ACVR1: variants seen among roughly 807,000 people sequenced by gnomAD.
ACVR1 encodes the protein activin receptor type-1.
A neutral mutation model predicts 57.1 loss-of-function variants in ACVR1; 38 were observed. The ratio of observed to expected loss-of-function variants is 0.67; its 90% CI spans 0.51 to 0.87. The LOEUF (loss-of-function observed/expected upper bound fraction) is 0.87, where lower values mean the gene tolerates loss of function less well. Among genes scored for constraint, ACVR1 ranks in the 40% least tolerant of loss-of-function variants. ACVR1 has a pLI of 0.00. For synonymous variants in ACVR1, 212 were observed against 228.1 expected (o/e 0.93, Z 0.63); for missense variants, 463 against 638.2 (o/e 0.73, Z 2.96).
intron 3 of ACVR1, among the ~76,000 whole-genome samples, chr2:157,781,863 G>T (rs1686536661): frequency 6.6e-6 from 1 of 152,190 alleles, no homozygotes; most frequent in South Asian, 2.1e-4. Flanking sequence ...AGTCCTAGAG[G>T]CCACTGATTA....
chr2:157,855,628 ATGT>A (rs1424897076), intron 1 of ACVR1, among the ~76,000 whole-genome samples: 2 of 152,004 alleles, frequency 1.3e-5, no homozygotes, highest in African/African-American at 4.8e-5. Context: ...AGAAGTGCCA[ATGT>A]TATACAAAGA....
rs376025668 is a variant in ACVR1 at position 157,761,085 on chromosome 2, G to A, written c.1067-8C>T. The A allele has an allele frequency of 7.4e-6, 12 of 1,613,308 alleles. No homozygotes were observed. The African/African-American group carries it at 1.2e-4, about 16-fold the overall frequency. The stretch of plus-strand genomic sequence containing the variant: ...AATGCATGACTGCCAGGCCTGAAAG[G>A]AAGAAGATAACAATGTAATCAACCC... On this transcript the variant is annotated splice_polypyrimidine_tract_variant and splice_region_variant and intron_variant, in intron 8 of 10. Transcript: ENST00000434821.
Position 157,858,110 on chromosome 2 carries a change from A to G in ACVR1, c.-183+17686T>C, listed in dbSNP as rs16842178. 0.028 allele frequency among the ~76,000 whole-genome samples: 4,328 copies of G among 151,898 alleles called. 536 individuals carry two copies. In the East Asian group the frequency reaches 0.4, roughly 14 times the overall value. The stretch of plus-strand genomic sequence containing the variant: ...CCACTAAAAGTTGGTTTCCTCCTTT[A>G]TGCTAAACTTACGAACACTACTAAT... On this transcript the variant is annotated intron_variant, in intron 1 of 10. Coordinates refer to ENST00000434821, the MANE Select transcript of ACVR1 (RefSeq NM_001111067.4).
At chr2:157,811,084 G>A (rs1014027274) in intron 2 of ACVR1, among the ~76,000 whole-genome samples, 1 of 152,198 alleles carries the variant, frequency 6.6e-6, no homozygotes, top group African/African-American at 2.4e-5. Flanking sequence ...TATGTAGGAT[G>A]TGGTGTTGTG....
chr2:157,777,906 T>C (rs1686352166), intron 5 of ACVR1, among the ~76,000 whole-genome samples: 4 of 152,162 alleles, frequency 2.6e-5, no homozygotes, highest in Admixed American at 6.5e-5. Context: ...CCAACACTAC[T>C]AAAATAAATC....
At chr2:157,742,527 T>C (rs1394110092) in intron 9 of ACVR1, among the ~76,000 whole-genome samples, 2 of 152,230 alleles carry the variant, frequency 1.3e-5, no homozygotes, top group Non-Finnish European at 2.9e-5. Context: ...GTCTGATTTA[T>C]ACAATAGTTT....
intron 9 of ACVR1, among the ~76,000 whole-genome samples, chr2:157,758,685 C>A (rs1463328380): frequency 6.6e-6 from 1 of 152,028 alleles, no homozygotes; most frequent in Non-Finnish European, 1.5e-5. Flanking sequence ...TTAAAATGTA[C>A]TTTAGACCAA....
At chr2:157,738,289 T>G in intron 10 of ACVR1, 151 bp downstream of exon 10, 3 of 1,208,266 alleles carry the variant, frequency 2.5e-6, no homozygotes, top group Non-Finnish European at 3.6e-6. Flanking sequence ...AACTTACTCT[T>G]CTAGATCTAA....
chr2:157,796,455 G>C (rs1687128125), intron 3 of ACVR1, among the ~76,000 whole-genome samples: 1 of 152,060 alleles, frequency 6.6e-6, no homozygotes, highest in Non-Finnish European at 1.5e-5. Context: ...TCAGGAGGCT[G>C]ACGTAGGAGG....
chr2:157,760,331 G>A (rs981953512), intron 9 of ACVR1, among the ~76,000 whole-genome samples: 2 of 152,140 alleles, frequency 1.3e-5, no homozygotes, highest in Non-Finnish European at 2.9e-5. Context: ...ATGAAGAGAC[G>A]TTGGTTAATG....
intron 1 of ACVR1, among the ~76,000 whole-genome samples, chr2:157,844,122 A>C (rs1046567448): frequency 6.6e-6 from 1 of 152,234 alleles, no homozygotes; most frequent in African/African-American, 2.4e-5. Context: ...TCATCTCCTT[A>C]TGGAAAGCAA....
At chr2:157,864,538 C>G (rs1254914716) in intron 1 of ACVR1, among the ~76,000 whole-genome samples, 1 of 152,160 alleles carries the variant, frequency 6.6e-6, no homozygotes, top group Non-Finnish European at 1.5e-5. Flanking sequence ...TGGCCAAATT[C>G]CCATTAAATT....
At chr2:157,851,457 A>C (rs1689298899) in intron 1 of ACVR1, among the ~76,000 whole-genome samples, 1 of 152,128 alleles carries the variant, frequency 6.6e-6, no homozygotes, top group Non-Finnish European at 1.5e-5. Context: ...AAACAGAAGT[A>C]TGAGCAACAA....
intron 1 of ACVR1, among the ~76,000 whole-genome samples, chr2:157,830,597 C>G (rs918081321): frequency 2.0e-5 from 3 of 151,982 alleles, no homozygotes. Context: ...AGGACATAAT[C>G]TTTTTTCTAA....
chr2:157,761,807 G>T (rs1303819472), intron 8 of ACVR1, among the ~76,000 whole-genome samples: 1 of 152,162 alleles, frequency 6.6e-6, no homozygotes, highest in East Asian at 1.9e-4. Flanking sequence ...TTTATTTGTG[G>T]ATGATTTTAT....
chr2:157,842,208 C>T (rs1559089292), intron 1 of ACVR1, among the ~76,000 whole-genome samples: 1 of 152,112 alleles, frequency 6.6e-6, no homozygotes, highest in Non-Finnish European at 1.5e-5. Flanking sequence ...TATACCATAT[C>T]ATCTCCAGGA....
intron 1 of ACVR1, among the ~76,000 whole-genome samples, chr2:157,865,562 C>T (rs529348892): frequency 2.6e-5 from 4 of 151,988 alleles, no homozygotes; most frequent in Non-Finnish European, 4.4e-5. Flanking sequence ...GAGGCCGAGG[C>T]GGGCAGATCA....
At chr2:157,855,269 A>T (rs1574151801) in intron 1 of ACVR1, among the ~76,000 whole-genome samples, 1 of 85,178 alleles carries the variant, frequency 1.2e-5, no homozygotes, top group Non-Finnish European at 2.0e-5. Flanking sequence ...AAAAAAAAAA[A>T]GTGTGTGTGT....
At position 157,738,455 on chromosome 2, in the gene ACVR1, T is replaced by A; in HGVS notation, c.1380A>T (p.Arg460Ser). ...VDQQRPNIPN[R>S]WFSDPTLTSL... ...GCATTCTTACCGGGTCTGAGAACCATCTGTTGGGTATGTTTGGCCTTTGTT... is the reference window on the plus strand; with the variant it reads ...GCATTCTTACCGGGTCTGAGAACCAACTGTTGGGTATGTTTGGCCTTTGTT... Residue 460 changes from arginine to serine, a missense_variant, in exon 10 of 11, where the codon AGA becomes AGT. Arg to Ser is a moderately radical substitution (Grantham distance 110). Coordinates refer to ENST00000434821, the MANE Select transcript of ACVR1 (RefSeq NM_001111067.4). 1 of 1,614,112 alleles carries A rather than the reference T, an allele frequency of 6.2e-7. No individual in the cohort carries two copies. Among genetic ancestry groups the A allele is most frequent in the Non-Finnish European group, 8.5e-7 (1 of 1,179,958 alleles).
Sources: gnomAD v4.1 joint callset for allele counts (sites outside exome capture counted in the v4.1 genomes callset) on GRCh38, gnomAD v4.1.1 for gene constraint, MANE v1.5 for transcripts, NCBI Gene and HGNC (gene_info 2026-07-23, HGNC 2026-07-21) for gene names.